The following MOCOS variants were observed in gnomAD, a reference collection of about 807,000 sequenced individuals.
MOCOS encodes molybdenum cofactor sulfurase, also known as human molybdenum cofactor sulfurase.
MOCOS carries 86 observed loss-of-function variants against 83.6 expected under a neutral mutation model. That is an observed-to-expected ratio of 1.03 (90% CI 0.86 to 1.23). MOCOS has a LOEUF of 1.23. Ranked by LOEUF, MOCOS falls within the 50% of genes most tolerant of loss-of-function variation. The pLI is 0.00. For missense variants in MOCOS, 1,120 were observed against 1,126.9 expected (o/e 0.99, Z 0.09); for synonymous variants, 445 against 434.7 (o/e 1.02, Z -0.29).
intron 9 of MOCOS, among the ~76,000 whole-genome samples, chr18:36,244,671 C>G (rs2091596357): frequency 6.6e-6 from 1 of 152,064 alleles, no homozygotes; most frequent in African/African-American, 2.4e-5. Context: ...TCCATTGATT[C>G]TTTGTTGACC....
intron 6 of MOCOS, among the ~76,000 whole-genome samples, chr18:36,207,289 A>C (rs1483446456): frequency 6.6e-6 from 1 of 152,178 alleles, no homozygotes; most frequent in Non-Finnish European, 1.5e-5. Context: ...CACCTGCCTC[A>C]GCCTCCCAAA....
At chr18:36,208,473 T>C (rs1206312679) in intron 6 of MOCOS, among the ~76,000 whole-genome samples, 1 of 152,170 alleles carries the variant, frequency 6.6e-6, no homozygotes, top group Non-Finnish European at 1.5e-5. Flanking sequence ...TGTGATTTCT[T>C]TTAGCGGTAT....
Position 36,215,887 on chromosome 18 carries a change from G to A in MOCOS, c.1707G>A (p.Glu569=). ...DVARTQPTPS[E]KAAGVLEGAL... The stretch of plus-strand genomic sequence containing the variant: ...CCAGAACCCAGCCGACTCCTTCAGA[G>A]AAAGCTGCAGGAGTCCTGGAGGGGG... The change falls in exon 8 of 15, where the codon GAG becomes GAA. Residue 569 remains glutamate (E), a synonymous_variant. Coordinates refer to ENST00000261326, the MANE Select transcript of MOCOS (RefSeq NM_017947.4). 6.2e-7 allele frequency: 1 copy of A among 1,614,184 alleles called. No individual in the cohort carries two copies. The highest frequency in any genetic ancestry group is 8.5e-7 in the Non-Finnish European group (1 of 1,179,988).
Position 36,208,281 on chromosome 18 carries a change from C to CT in MOCOS, c.1218+3011dup, listed in dbSNP as rs575715902. On this transcript the variant is annotated intron_variant, in intron 6 of 14. Transcript: ENST00000261326. Reference sequence around the variant, plus strand: ...TAGGATTGCTTTGGCTATTTGGGCTCTTTTTTGGTTCCATATGAATTTTAG... The same window carrying CT: ...TAGGATTGCTTTGGCTATTTGGGCTCTTTTTTTGGTTCCATATGAATTTTAG... Among the ~76,000 whole-genome samples the CT allele has an allele frequency of 1.6e-3, 234 of 146,472 alleles. 2 individuals are homozygous for CT. Among genetic ancestry groups the CT allele is most frequent in the African/African-American group, 5.5e-3 (220 of 39,668 alleles).
At chr18:36,256,712 A>G (rs1441770217) in intron 11 of MOCOS, 1 of 406,098 alleles carries the variant, frequency 2.5e-6, no homozygotes, top group Non-Finnish European at 4.7e-6. Flanking sequence ...AGCCTCCCAA[A>G]GTGCTGAGCC....
chr18:36,227,203 C>T (rs2091520893), intron 9 of MOCOS, among the ~76,000 whole-genome samples: 1 of 151,508 alleles, frequency 6.6e-6, no homozygotes, highest in African/African-American at 2.4e-5. Context: ...TGAGCCACCA[C>T]CCCTGGCCCA....
At chr18:36,194,767 C>T (rs912599599) in intron 1 of MOCOS, among the ~76,000 whole-genome samples, 12 of 152,220 alleles carry the variant, frequency 7.9e-5, no homozygotes, top group African/African-American at 2.9e-4. Flanking sequence ...TCATTTTCAT[C>T]TAAATTTGCA....
chr18:36,193,307 G>A (rs1231862513), intron 1 of MOCOS, among the ~76,000 whole-genome samples: 16 of 87,400 alleles, frequency 1.8e-4, no homozygotes, highest in Middle Eastern at 0.013. Flanking sequence ...GACAGAGCGA[G>A]ACTCCGTCTC....
intron 9 of MOCOS, among the ~76,000 whole-genome samples, chr18:36,229,924 G>A (rs1403234080): frequency 6.6e-6 from 1 of 151,952 alleles, no homozygotes; most frequent in Non-Finnish European, 1.5e-5. Context: ...TGACTTTGGT[G>A]ACTGTCTTTA....
At position 36,220,163 on chromosome 18, in the gene MOCOS, C is replaced by T. The variant is rs2091490747; in HGVS notation, c.1906C>T (p.Leu636=). 1 of 1,614,052 alleles carries T rather than the reference C, an allele frequency of 6.2e-7. No homozygotes were observed. Among genetic ancestry groups the T allele is most frequent in the Non-Finnish European group, 8.5e-7 (1 of 1,180,042 alleles). The change falls in exon 9 of 15, where the codon CTG becomes TTG. Residue 636 remains leucine (L), a synonymous_variant. Transcript: ENST00000261326. ...LSQKQEPRLC[L]IQPFIDLRQR... ...TCAGAAGCAGGAACCCCGGCTCTGC[C>T]TGATCCAGCCCTTCATCGACTTGCG...
At chr18:36,193,200 A>G (rs1163977039) in intron 1 of MOCOS, among the ~76,000 whole-genome samples, 1 of 150,152 alleles carries the variant, frequency 6.7e-6, no homozygotes, top group African/African-American at 2.4e-5. Context: ...AGTCCCAGCT[A>G]CTCGGGAGGC....
At chr18:36,268,458 A>G (rs1031452747) in intron 14 of MOCOS, 75 bp from the exon 15 acceptor site, 3 of 1,592,304 alleles carry the variant, frequency 1.9e-6, no homozygotes, top group African/African-American at 1.3e-5. Context: ...TTAGTTAAAC[A>G]TTAATATTTA....
intron 6 of MOCOS, among the ~76,000 whole-genome samples, chr18:36,209,528 T>C (rs2091446646): frequency 6.6e-6 from 1 of 151,292 alleles, no homozygotes; most frequent in African/African-American, 2.4e-5. Context: ...GTCCATTATA[T>C]CATTCTTATG....
intron 8 of MOCOS, 123 bp downstream of exon 8, chr18:36,216,100 C>A: frequency 9.7e-7 from 1 of 1,030,828 alleles, no homozygotes; most frequent in Non-Finnish European, 1.4e-6. Flanking sequence ...GTGAGAAAAG[C>A]CATTCTCACT....
intron 1 of MOCOS, among the ~76,000 whole-genome samples, chr18:36,191,029 AAAG>A (rs1335895560): frequency 2.9e-5 from 4 of 137,208 alleles, no homozygotes; most frequent in Admixed American, 1.4e-4. Flanking sequence ...TCAAAAAAAA[AAAG>A]AAAAAGAAAA....
At chr18:36,198,873 T>A in intron 3 of MOCOS, 117 bp downstream of exon 3, 1 of 1,021,112 alleles carries the variant, frequency 9.8e-7, no homozygotes, top group East Asian at 2.5e-5. Flanking sequence ...CACAGTTGGC[T>A]AAAAGGCAAT....
chr18:36,189,511 T>A (rs982202700), intron 1 of MOCOS, among the ~76,000 whole-genome samples: 2 of 152,190 alleles, frequency 1.3e-5, no homozygotes, highest in African/African-American at 4.8e-5. Context: ...TCTCCCCTCA[T>A]GAAGTTTTTC....
In MOCOS at chr18:36,272,008, T is replaced by C. The variant is rs2091700719; in HGVS notation, c.*3323T>C. The C allele has an allele frequency of 6.6e-6, 1 of 152,186 alleles. No individual in the cohort carries two copies. The highest frequency in any genetic ancestry group is 1.5e-5 in the Non-Finnish European group (1 of 68,038). 9.4% of individuals were successfully genotyped at this position (152,186 alleles called of 1,614,324 possible). A position where few individuals can be genotyped will look rare whatever the true frequency, so the allele number is the denominator to read the frequency against. On this transcript the variant is annotated 3_prime_UTR_variant, in exon 15 of 15. Transcript: ENST00000261326. ...GATCTCACTATAGAGGCATCACTAATTGGGGAAAGACAGACTAGGTAATAG... is the reference window on the plus strand; with the variant it reads ...GATCTCACTATAGAGGCATCACTAACTGGGGAAAGACAGACTAGGTAATAG...
intron 1 of MOCOS, among the ~76,000 whole-genome samples, chr18:36,188,248 C>G (rs1012642432): frequency 1.3e-5 from 2 of 152,272 alleles, no homozygotes; most frequent in African/African-American, 4.8e-5. Flanking sequence ...TTTCCTTACT[C>G]TTACAGCGTC....
Sources: allele counts gnomAD v4.1 joint callset (sites outside exome capture counted in the v4.1 genomes callset), GRCh38; gene constraint gnomAD v4.1.1; transcripts MANE v1.5; gene names NCBI Gene and HGNC (gene_info 2026-07-23, HGNC 2026-07-21).